SLC35G5: variants seen among roughly 807,000 people sequenced by gnomAD.
SLC35G5 encodes the protein acyl-malonyl condensing enzyme 1-like 2.
In SLC35G5, 14 loss-of-function variants were observed where a neutral mutation model predicts 17.6. The observed-to-expected ratio is 0.79, with a 90% CI of 0.52 to 1.24. The LOEUF (loss-of-function observed/expected upper bound fraction) is 1.24, where lower values mean the gene tolerates loss of function less well. SLC35G5 is among the 50% of genes most tolerant of loss of function. The pLI, the probability that SLC35G5 is intolerant of heterozygous loss-of-function variation, is 0.00. For synonymous variants in SLC35G5, 236 were observed against 194.9 expected, an observed-to-expected ratio of 1.21 and a Z score of -1.76; for missense variants, 541 against 430.3, an observed-to-expected ratio of 1.26 and a Z score of -2.28.
chr8:11,331,611 C>T lies in SLC35G5; in HGVS notation c.505C>T (p.Leu169=). Residue 169 remains leucine (L), a synonymous_variant, in exon 1 of 1, where the codon CTA becomes TTA. Coordinates refer to ENST00000382435, the MANE Select transcript of SLC35G5 (RefSeq NM_054028.2). ...WCGLLGSILG[L]IIILGPGLWT... is the part of the protein sequence containing the mutation. ...TGGACTGTTGGGCAGCATCCTAGGA[C>T]TAATCATCATTCTGGGACCTGGACT... The T allele has an allele frequency of 6.2e-7, 1 of 1,613,420 alleles. No individual in the cohort carries two copies. The highest frequency in any genetic ancestry group is 1.3e-5 in the African/African-American group (1 of 74,990).
Position 11,331,484 on chromosome 8 carries a change from C to T in SLC35G5, c.378C>T (p.Pro126=), listed in dbSNP as rs148633429. The change falls in exon 1 of 1, where the codon CCC becomes CCT. Residue 126 remains proline (P), a synonymous_variant. Transcript: ENST00000382435. The stretch of plus-strand genomic sequence containing the variant: ...CCTACAGTGCAGTTCAGGTGGTGCC[C>T]GCTGGCAACGCTGCCACTGTTCGCA... ...GCAYSAVQVV[P]AGNAATVRKG... 56 of 1,613,832 alleles carry T rather than the reference C, an allele frequency of 3.5e-5. No individual in the cohort carries two copies. The East Asian group carries it at 4.0e-4, about 12-fold the overall frequency.
chr8:11,331,597 G>A lies in SLC35G5; in HGVS notation c.491G>A (p.Gly164Asp), dbSNP rs1186381953. ...LGGYEWCGLL[G>D]SILGLIIILG... is the part of the protein sequence containing the mutation. Reference sequence around the variant, plus strand: ...GGCTACGAGTGGTGTGGACTGTTGGGCAGCATCCTAGGACTAATCATCATT... The same window carrying A: ...GGCTACGAGTGGTGTGGACTGTTGGACAGCATCCTAGGACTAATCATCATT... Residue 164 changes from glycine to aspartate, a missense_variant, in exon 1 of 1, where the codon GGC becomes GAC. Coordinates refer to ENST00000382435, the MANE Select transcript of SLC35G5 (RefSeq NM_054028.2). The A allele has an allele frequency of 1.9e-6, 3 of 1,613,682 alleles. No individual in the cohort carries two copies. Among genetic ancestry groups the A allele is most frequent in the Admixed American group, 1.7e-5 (1 of 60,014 alleles).
chr8:11,331,605 C>G lies in SLC35G5; in HGVS notation c.499C>G (p.Leu167Val), dbSNP rs1430472354. Residue 167 changes from leucine to valine, a missense_variant, in exon 1 of 1, where the codon CTA becomes GTA. Leu to Val is a conservative substitution (Grantham distance 32). Coordinates refer to ENST00000382435, the MANE Select transcript of SLC35G5 (RefSeq NM_054028.2). ...GTGGTGTGGACTGTTGGGCAGCATC[C>G]TAGGACTAATCATCATTCTGGGACC... is the stretch of plus-strand genomic sequence containing the variant. ...YEWCGLLGSI[L>V]GLIIILGPGL... 1.2e-6 allele frequency: 2 copies of G among 1,613,514 alleles called. No homozygotes were observed. Among genetic ancestry groups the G allele is most frequent in the African/African-American group, 1.3e-5 (1 of 74,990 alleles).
rs776998704 is a variant in SLC35G5, at chr8:11,331,203, C to T, written c.97C>T (p.Pro33Ser). The change falls in exon 1 of 1, where the codon CCC (proline) becomes TCC (serine). Residue 33 changes from proline to serine, a missense_variant. Coordinates refer to ENST00000382435, the MANE Select transcript of SLC35G5 (RefSeq NM_054028.2). ...CCTCCGCTGGCACCAGCGCTGCCAG[C>T]CCTCTGGTGCCACCAATGGCCTGCT... ...PSLRWHQRCQ[P>S]SGATNGLLVA... 6.2e-7 allele frequency: 1 copy of T among 1,613,980 alleles called. No homozygotes were observed. The highest frequency in any genetic ancestry group is 1.7e-5 in the Admixed American group (1 of 60,020).
In SLC35G5 at chr8:11,331,950, G is replaced by A. The variant is rs777838942; in HGVS notation, c.844G>A (p.Val282Met). Residue 282 changes from valine to methionine, a missense_variant, in exon 1 of 1, where the codon GTG (valine) becomes ATG (methionine). By Grantham distance (21) the Val-to-Met change is conservative. Transcript: ENST00000382435. ...YAVTKAHPAL[V>M]CAVLHSEVVV... ...GGTCACCAAGGCCCACCCTGCCCTG[G>A]TGTGCGCTGTCCTGCATTCCGAGGT... 1.9e-6 allele frequency: 3 copies of A among 1,612,032 alleles called. No individual in the cohort carries two copies. Among genetic ancestry groups the A allele is most frequent in the South Asian group, 1.1e-5 (1 of 90,992 alleles).
chr8:11,331,080 G>A lies in SLC35G5; in HGVS notation c.-27G>A. The A allele has an allele frequency of 6.4e-7, 1 of 1,572,070 alleles. No individual in the cohort carries two copies. The highest frequency in any genetic ancestry group is 1.2e-5 in the South Asian group (1 of 82,492). On this transcript the variant is annotated 5_prime_UTR_variant, in exon 1 of 1. Coordinates refer to ENST00000382435, the MANE Select transcript of SLC35G5 (RefSeq NM_054028.2). ...TGAGGGGCCCAGGCTCCCTGAGCCA[G>A]GAGGAGAGGAGAAAGTCCAAGGAAA... is the stretch of plus-strand genomic sequence containing the variant.
In SLC35G5 at chr8:11,331,682, C is replaced by G; in HGVS notation, c.576C>G (p.Gly192=). The G allele has an allele frequency of 6.2e-7, 1 of 1,612,036 alleles. No individual in the cohort carries two copies. ...EGTTGVYTTL[G]YVQAFLGGLA... ...CCACAGGTGTCTACACCACCCTGGG[C>G]TATGTGCAGGCTTTCCTGGGAGGCC... Residue 192 remains glycine (G), a synonymous_variant, in exon 1 of 1, where the codon GGC becomes GGG. Transcript: ENST00000382435.
In SLC35G5 at chr8:11,331,311, T is replaced by C. The variant is rs375737432; in HGVS notation, c.205T>C (p.Ser69Pro). 6.2e-7 allele frequency: 1 copy of C among 1,613,974 alleles called. No homozygotes were observed. The highest frequency in any genetic ancestry group is 8.5e-7 in the Non-Finnish European group (1 of 1,179,850). The change falls in exon 1 of 1, where the codon TCG becomes CCG. Residue 69 changes from serine to proline, a missense_variant. By Grantham distance (74) the Ser-to-Pro change is moderately conservative. Coordinates refer to ENST00000382435, the MANE Select transcript of SLC35G5 (RefSeq NM_054028.2). ...RMAYQGSNLPSLELLICRCLF... is the reference protein window; with the variant it reads ...RMAYQGSNLPPLELLICRCLF... ...GGCTTACCAGGGTTCCAACCTGCCC[T>C]CGCTGGAGCTGCTCATCTGTCGATG...
rs150947290 is a variant in SLC35G5 at position 11,331,170 on chromosome 8, C to A, written c.64C>A (p.Pro22Thr). 1.9e-6 allele frequency: 3 copies of A among 1,613,206 alleles called. No homozygotes were observed. Among genetic ancestry groups the A allele is most frequent in the Non-Finnish European group, 2.5e-6 (3 of 1,179,530 alleles). ...CACACACCCATCGCCGCCCTCCGCTCCACCCAGCCTCCGCTGGCACCAGCG... is the reference window on the plus strand; with the variant it reads ...CACACACCCATCGCCGCCCTCCGCTACACCCAGCCTCCGCTGGCACCAGCG... ...DSTHPSPPSA[P>T]PSLRWHQRCQ... Residue 22 changes from proline (P) to threonine (T), a missense_variant, in exon 1 of 1, where the codon CCA becomes ACA. Transcript: ENST00000382435.
At position 11,331,323 on chromosome 8, in the gene SLC35G5, C is replaced by A. The variant is rs1230297572; in HGVS notation, c.217C>A (p.Leu73Ile). ...TTCCAACCTGCCCTCGCTGGAGCTGCTCATCTGTCGATGCCTCTTCCACCT... is the reference window on the plus strand; with the variant it reads ...TTCCAACCTGCCCTCGCTGGAGCTGATCATCTGTCGATGCCTCTTCCACCT... ...QGSNLPSLEL[L>I]ICRCLFHLPI... The change falls in exon 1 of 1, where the codon CTC (leucine) becomes ATC (isoleucine). Residue 73 changes from leucine to isoleucine, a missense_variant. By Grantham distance (5) the Leu-to-Ile change is conservative. Coordinates refer to ENST00000382435, the MANE Select transcript of SLC35G5 (RefSeq NM_054028.2). 1 of 1,613,888 alleles carries A rather than the reference C, an allele frequency of 6.2e-7. No homozygotes were observed. The highest frequency in any genetic ancestry group is 1.7e-5 in the Admixed American group (1 of 60,012).
rs764828042 is a variant in SLC35G5 at position 11,331,901 on chromosome 8, C to A, written c.795C>A (p.Val265=). 5 of 1,612,040 alleles carry A rather than the reference C, an allele frequency of 3.1e-6. No individual in the cohort carries two copies. In the Admixed American group the frequency reaches 6.7e-5, roughly 21 times the overall value. The change falls in exon 1 of 1, where the codon GTC becomes GTA. Residue 265 remains valine, a synonymous_variant. Coordinates refer to ENST00000382435, the MANE Select transcript of SLC35G5 (RefSeq NM_054028.2). ...CVGAEGILAL[V]SFTCVGYAVT... is the part of the protein sequence containing the mutation. ...GGGCAGAGGGGATCCTCGCCTTGGT[C>A]TCCTTCACATGTGTGGGCTATGCGG...
Position 11,331,349 on chromosome 8 carries a change from C to G in SLC35G5, c.243C>G (p.Leu81=), listed in dbSNP as rs776516733. Residue 81 remains leucine, a synonymous_variant, in exon 1 of 1, where the codon CTC becomes CTG. Coordinates refer to ENST00000382435, the MANE Select transcript of SLC35G5 (RefSeq NM_054028.2). ...ELLICRCLFH[L]PIALLLKLRG... is the part of the protein sequence containing the mutation. ...TCATCTGTCGATGCCTCTTCCACCT[C>G]CCTATTGCCCTGCTACTTAAACTGC... 2 of 1,613,998 alleles carry G rather than the reference C, an allele frequency of 1.2e-6. No homozygotes were observed. The highest frequency in any genetic ancestry group is 2.2e-5 in the South Asian group (2 of 91,082).
chr8:11,331,454 A>C lies in SLC35G5; in HGVS notation c.348A>C (p.Gly116=). The C allele has an allele frequency of 6.2e-7, 1 of 1,613,860 alleles. No individual in the cohort carries two copies. The highest frequency in any genetic ancestry group is 8.5e-7 in the Non-Finnish European group (1 of 1,179,854). The change falls in exon 1 of 1, where the codon GGA becomes GGC. Residue 116 remains glycine (G), a synonymous_variant. Coordinates refer to ENST00000382435, the MANE Select transcript of SLC35G5 (RefSeq NM_054028.2). ...FCALLNVLSI[G]CAYSAVQVVP... is the part of the protein sequence containing the mutation. Reference sequence around the variant, plus strand: ...CCCTGCTCAACGTCCTCAGCATTGGATGTGCCTACAGTGCAGTTCAGGTGG... The same window carrying C: ...CCCTGCTCAACGTCCTCAGCATTGGCTGTGCCTACAGTGCAGTTCAGGTGG...
In SLC35G5 at chr8:11,331,910, A is replaced by C. The variant is rs559115812; in HGVS notation, c.804A>C (p.Thr268=). 1.2e-6 allele frequency: 2 copies of C among 1,611,798 alleles called. No homozygotes were observed. The highest frequency in any genetic ancestry group is 1.7e-6 in the Non-Finnish European group (2 of 1,179,836). ...GGATCCTCGCCTTGGTCTCCTTCAC[A>C]TGTGTGGGCTATGCGGTCACCAAGG... The part of the protein sequence containing the change: ...AEGILALVSF[T]CVGYAVTKAH... The change falls in exon 1 of 1, where the codon ACA becomes ACC. Residue 268 remains threonine (T), a synonymous_variant. Transcript: ENST00000382435.
rs369911478 is a variant in SLC35G5, at chr8:11,331,476, G to C, written c.370G>C (p.Val124Leu). The change falls in exon 1 of 1, where the codon GTG (valine) becomes CTG (leucine). Residue 124 changes from valine (V) to leucine (L), a missense_variant. Coordinates refer to ENST00000382435, the MANE Select transcript of SLC35G5 (RefSeq NM_054028.2). ...SIGCAYSAVQ[V>L]VPAGNAATVR... ...TGGATGTGCCTACAGTGCAGTTCAG[G>C]TGGTGCCCGCTGGCAACGCTGCCAC... 6.2e-7 allele frequency: 1 copy of C among 1,613,956 alleles called. No individual in the cohort carries two copies. The highest frequency in any genetic ancestry group is 1.1e-5 in the South Asian group (1 of 91,070).
rs776213482 is a variant in SLC35G5 at position 11,331,561 on chromosome 8, A to G, written c.455A>G (p.Gln152Arg). Residue 152 changes from glutamine to arginine, a missense_variant, in exon 1 of 1, where the codon CAG (glutamine) becomes CGG (arginine). By Grantham distance (43) the Gln-to-Arg change is conservative. Transcript: ENST00000382435. ...GTCCTCACCCTCTGCCTTGAGAGCCAGGGTCTCGGTGGCTACGAGTGGTGT... is the reference window on the plus strand; with the variant it reads ...GTCCTCACCCTCTGCCTTGAGAGCCGGGGTCTCGGTGGCTACGAGTGGTGT... ...SAVLTLCLES[Q>R]GLGGYEWCGL... 1.9e-6 allele frequency: 3 copies of G among 1,612,132 alleles called. No individual in the cohort carries two copies. The highest frequency in any genetic ancestry group is 4.5e-5 in the East Asian group (2 of 44,764).
chr8:11,332,342 T>C lies in SLC35G5; in HGVS notation c.*219T>C, dbSNP rs1216400144. On this transcript the variant is annotated 3_prime_UTR_variant, in exon 1 of 1. Coordinates refer to ENST00000382435, the MANE Select transcript of SLC35G5 (RefSeq NM_054028.2). The stretch of plus-strand genomic sequence containing the variant: ...GAGAAATCTGGCTTATTTACAGGAA[T>C]AAAATTAATTGAACTATCCTTAAGG... 1 of 834,780 alleles carries C rather than the reference T, an allele frequency of 1.2e-6. No individual in the cohort carries two copies. Among genetic ancestry groups the C allele is most frequent in the Non-Finnish European group, 1.7e-6 (1 of 594,466 alleles). The allele number at this position is 834,780 out of a possible 1,614,324, so 51.7% of individuals were successfully genotyped here. A position where few individuals can be genotyped will look rare whatever the true frequency, so the allele number is the denominator to read the frequency against.
Position 11,332,156 on chromosome 8 carries a change from A to G in SLC35G5, c.*33A>G, listed in dbSNP as rs777615048. On this transcript the variant is annotated 3_prime_UTR_variant, in exon 1 of 1. Coordinates refer to ENST00000382435, the MANE Select transcript of SLC35G5 (RefSeq NM_054028.2). Reference sequence around the variant, plus strand: ...CTTGGGAGCCCGGGGGTTGGGAGGGACAGGGATAAATAAAGACAAAGACTG... The same window carrying G: ...CTTGGGAGCCCGGGGGTTGGGAGGGGCAGGGATAAATAAAGACAAAGACTG... 5 of 1,611,462 alleles carry G rather than the reference A, an allele frequency of 3.1e-6. No individual in the cohort carries two copies. Among genetic ancestry groups the G allele is most frequent in the Non-Finnish European group, 4.2e-6 (5 of 1,179,664 alleles).
Position 11,331,893 on chromosome 8 carries a change from G to T in SLC35G5, c.787G>T (p.Ala263Ser). 2 of 1,611,316 alleles carry T rather than the reference G, an allele frequency of 1.2e-6. No individual in the cohort carries two copies. The highest frequency in any genetic ancestry group is 1.7e-6 in the Non-Finnish European group (2 of 1,179,616). ...TTGTGTGGGGGCAGAGGGGATCCTC[G>T]CCTTGGTCTCCTTCACATGTGTGGG... ...WSCVGAEGIL[A>S]LVSFTCVGYA... Residue 263 changes from alanine (A) to serine (S), a missense_variant, in exon 1 of 1, where the codon GCC becomes TCC. By Grantham distance (99) the Ala-to-Ser change is moderately conservative (BLOSUM62 1). Coordinates refer to ENST00000382435, the MANE Select transcript of SLC35G5 (RefSeq NM_054028.2).
Sources: gnomAD v4.1 joint callset for allele counts on GRCh38, gnomAD v4.1.1 for gene constraint, MANE v1.5 for transcripts, NCBI Gene and HGNC (gene_info 2026-07-23, HGNC 2026-07-21) for gene names.